NEMP2: variants seen among roughly 807,000 people sequenced by gnomAD.
The protein encoded by NEMP2 is UPF0571 transmembrane protein.
Under a neutral mutation model 54.2 loss-of-function variants are expected in NEMP2, and 53 were observed. The ratio of observed to expected loss-of-function variants is 0.98; its 90% confidence interval spans 0.78 to 1.23. NEMP2 has a LOEUF of 1.23. NEMP2 is among the 50% of genes most tolerant of loss of function. NEMP2 has a pLI of 0.00. For synonymous variants in NEMP2, 197 were observed against 190.3 expected, an observed-to-expected ratio of 1.04 and a Z score of -0.29; for missense variants, 455 against 511.3, an observed-to-expected ratio of 0.89 and a Z score of 1.06.
At chr2:190,601,455 C>T in the NEMP2 span, among the ~76,000 whole-genome samples, 6 of 152,154 alleles carry the variant, frequency 3.9e-5, no homozygotes, top group African/African-American at 1.4e-4. The surrounding 1 kb of genome is among the most constrained non-coding windows in gnomAD (Gnocchi z 5.8). Context: ...AATGGCAGGC[C>T]TACGTTGGTC....
Position 190,527,447 on chromosome 2 carries a change from A to C in NEMP2, c.98-2069T>G, listed in dbSNP as rs1690979344. Among the ~76,000 whole-genome samples, 1 of 152,206 alleles carries C rather than the reference A, an allele frequency of 6.6e-6. No individual in the cohort carries two copies. The highest frequency in any genetic ancestry group is 2.1e-4 in the South Asian group (1 of 4,830). The stretch of plus-strand genomic sequence containing the variant: ...TAAAAGGGAGGGTTTTCCGGTGGCC[A>C]CACGAAGCAGCAAAATTACACAAGG... On this transcript the variant is annotated intron_variant, in intron 1 of 8. Transcript: ENST00000409150. This position sits in a 1 kb window ranked among gnomAD's most constrained non-coding sequence, Gnocchi z 4.0.
chr2:190,482,953 G>A, the NEMP2 span, among the ~76,000 whole-genome samples: 42 of 129,588 alleles, frequency 3.2e-4, no homozygotes, highest in African/African-American at 1.0e-3. Flanking sequence ...CTGCAGTGGC[G>A]CAATCTCGGC....
rs775612364 is a variant in NEMP2 at position 190,507,450 on chromosome 2, G to A, written c.*1739C>T. 9 of 152,066 alleles carry A rather than the reference G, an allele frequency of 5.9e-5. No individual in the cohort carries two copies. Among genetic ancestry groups the A allele is most frequent in the Admixed American group, 3.3e-4 (5 of 15,266 alleles). The allele number at this position is 152,066 out of a possible 1,614,324, so 9.4% of individuals were successfully genotyped here. A position where few individuals can be genotyped will look rare whatever the true frequency, so the allele number is the denominator to read the frequency against. ...GCACACAAACTGCTTCTTAGGAGAC[G>A]AACTTGGTGAGCACAGGCACTGATA... On this transcript the variant is annotated 3_prime_UTR_variant, in exon 9 of 9. Coordinates refer to ENST00000409150, the MANE Select transcript of NEMP2 (RefSeq NM_001142645.2). The surrounding 1 kb of genome is among the most constrained non-coding windows in gnomAD (Gnocchi z 4.4).
chr2:190,614,898 T>A, the NEMP2 span, among the ~76,000 whole-genome samples: 1 of 152,186 alleles, frequency 6.6e-6, no homozygotes, highest in East Asian at 1.9e-4. This position sits in a 1 kb window ranked among gnomAD's most constrained non-coding sequence, Gnocchi z 5.7. Flanking sequence ...GCTCCTGATC[T>A]CCTGGCATCT....
At chr2:190,421,623 C>T in the NEMP2 span, among the ~76,000 whole-genome samples, 3 of 152,106 alleles carry the variant, frequency 2.0e-5, no homozygotes, top group South Asian at 6.2e-4. Flanking sequence ...CACCCTGTCA[C>T]CCAGGCTGAG....
the NEMP2 span, among the ~76,000 whole-genome samples, chr2:190,593,483 A>G: frequency 6.6e-6 from 1 of 152,112 alleles, no homozygotes; most frequent in Non-Finnish European, 1.5e-5. The surrounding 1 kb of genome is among the most constrained non-coding windows in gnomAD (Gnocchi z 4.5). Flanking sequence ...AGCCTGAGGG[A>G]AGAGTGAAGA....
the NEMP2 span, chr2:190,648,511 C>CTGT: frequency 9.9e-4 from 91 of 91,610 alleles, 9 homozygotes; most frequent in Non-Finnish European, 9.3e-4. Context: ...GCCCGGCGCG[C>CTGT]TGTTGTTTTT....
chr2:190,615,562 C>A, the NEMP2 span, among the ~76,000 whole-genome samples: 3 of 152,174 alleles, frequency 2.0e-5, no homozygotes, highest in East Asian at 3.9e-4. This position sits in a 1 kb window ranked among gnomAD's most constrained non-coding sequence, Gnocchi z 4.7. Context: ...TTTATGGTGG[C>A]TTCACTACAC....
At chr2:190,475,390 C>T in the NEMP2 span, among the ~76,000 whole-genome samples, 1 of 152,164 alleles carries the variant, frequency 6.6e-6, no homozygotes, top group African/African-American at 2.4e-5. Context: ...AATCAATGTG[C>T]AAAAATCACA....
At chr2:190,547,270 G>T in the NEMP2 span, among the ~76,000 whole-genome samples, 3 of 152,190 alleles carry the variant, frequency 2.0e-5, no homozygotes, top group Non-Finnish European at 2.9e-5. This position sits in a 1 kb window ranked among gnomAD's most constrained non-coding sequence, Gnocchi z 6.2. Context: ...TGATATTTTT[G>T]ACAGCTCCCC....
chr2:190,604,231 G>A, the NEMP2 span, among the ~76,000 whole-genome samples: 65 of 152,226 alleles, frequency 4.3e-4, no homozygotes, highest in Admixed American at 7.8e-4. This position sits in a 1 kb window ranked among gnomAD's most constrained non-coding sequence, Gnocchi z 4.5. Context: ...AAACCAACCC[G>A]AACAGTACAA....
chr2:190,538,640 T>C (rs1222038318), upstream of NEMP2, among the ~76,000 whole-genome samples: 2 of 152,160 alleles, frequency 1.3e-5, no homozygotes, highest in Non-Finnish European at 2.9e-5. The surrounding 1 kb of genome is among the most constrained non-coding windows in gnomAD (Gnocchi z 4.1). Flanking sequence ...ATTCCCTGTC[T>C]TTTTGATTAA....
At chr2:190,647,710 C>CTTTT in the NEMP2 span, among the ~76,000 whole-genome samples, 1,303 of 102,250 alleles carry the variant, frequency 0.013, 12 homozygotes, top group Non-Finnish European at 0.015. Flanking sequence ...TCTTCTTCTT[C>CTTTT]TTTTTTTTTT....
the NEMP2 span, chr2:190,646,977 G>A: frequency 6.6e-6 from 1 of 152,142 alleles, no homozygotes; most frequent in Admixed American, 6.5e-5. Context: ...TTCCATAGAG[G>A]AATTAGAAGA....
At chr2:190,464,308 G>A in the NEMP2 span, among the ~76,000 whole-genome samples, 1 of 152,082 alleles carries the variant, frequency 6.6e-6, no homozygotes, top group Non-Finnish European at 1.5e-5. Context: ...TTCTCTGCCA[G>A]GGGCTTTGCA....
the NEMP2 span, chr2:190,624,548 A>T: frequency 6.6e-6 from 1 of 152,272 alleles, no homozygotes; most frequent in Admixed American, 6.5e-5. Context: ...GCCAAGATAT[A>T]GAATCAACCT....
At chr2:190,490,516 T>C in the NEMP2 span, among the ~76,000 whole-genome samples, 2 of 151,446 alleles carry the variant, frequency 1.3e-5, no homozygotes, top group South Asian at 4.1e-4. The surrounding 1 kb of genome is among the most constrained non-coding windows in gnomAD (Gnocchi z 4.5). Context: ...TGAGCCGAGA[T>C]AGCACCACTG....
chr2:190,570,796 GAA>G, the NEMP2 span, among the ~76,000 whole-genome samples: 1,734 of 152,320 alleles, frequency 0.011, 37 homozygotes, highest in African/African-American at 0.038. This position sits in a 1 kb window ranked among gnomAD's most constrained non-coding sequence, Gnocchi z 5.4. Context: ...GTTTGAGAGA[GAA>G]GAGGGAAAAG....
chr2:190,458,786 C>T, the NEMP2 span, among the ~76,000 whole-genome samples: 2 of 152,236 alleles, frequency 1.3e-5, no homozygotes, highest in Admixed American at 1.3e-4. This position sits in a 1 kb window ranked among gnomAD's most constrained non-coding sequence, Gnocchi z 5.3. Flanking sequence ...AGCAAATGAC[C>T]AGAGGTGTAG....
Sources: gnomAD v4.1 joint callset for allele counts (sites outside exome capture counted in the v4.1 genomes callset) on GRCh38, gnomAD v4.1.1 for gene constraint, Gnocchi (gnomAD v3.1) non-coding constraint, MANE v1.5 for transcripts, NCBI Gene and HGNC (gene_info 2026-07-23, HGNC 2026-07-21) for gene names.